ALDH1L2: variants seen among roughly 807,000 people sequenced by gnomAD.
ALDH1L2 encodes the protein aldehyde dehydrogenase 1 family member L2, also known as mitochondrial 10-formyltetrahydrofolate dehydrogenase.
Under a neutral mutation model 111.0 loss-of-function variants are expected in ALDH1L2, and 91 were observed. The observed-to-expected ratio is 0.82, with a 90% confidence interval of 0.69 to 0.98. The LOEUF is 0.98. ALDH1L2 is among the 50% of genes least tolerant of loss of function. The pLI, the probability that ALDH1L2 is intolerant of heterozygous loss-of-function variation, is 0.00. For missense variants in ALDH1L2, 995 were observed against 1,126.8 expected (o/e 0.88, Z 1.67); for synonymous variants, 374 against 392.6 (o/e 0.95, Z 0.56).
chr12:105,077,944 A>G (rs1878148219), intron 1 of ALDH1L2, among the ~76,000 whole-genome samples: 1 of 151,966 alleles, frequency 6.6e-6, no homozygotes, highest in African/African-American at 2.4e-5. Flanking sequence ...AACAAAGTAC[A>G]TTTTCCTGAG....
chr12:105,036,891 G>A (rs964285559), intron 18 of ALDH1L2, among the ~76,000 whole-genome samples: 2 of 152,022 alleles, frequency 1.3e-5, no homozygotes, highest in African/African-American at 2.4e-5. Context: ...AGTACCCCCA[G>A]CCATTGTCTG....
intron 4 of ALDH1L2, among the ~76,000 whole-genome samples, chr12:105,067,844 T>C (rs1023022523): frequency 1.3e-5 from 2 of 152,226 alleles, no homozygotes; most frequent in African/African-American, 4.8e-5. Context: ...AAATGCTATG[T>C]TGATTGTAAT....
Position 105,038,200 on chromosome 12 carries a change from C to T in ALDH1L2, c.2048G>A (p.Cys683Tyr). The T allele has an allele frequency of 6.2e-7, 1 of 1,610,156 alleles. No individual in the cohort carries two copies. ...AACTTTCTTCAAGTTGCTAACAGCA[C>T]AGCTAGAGGAAAACAAATGAGAAAT... Reference protein sequence around the residue: ...TPIGKQIMKSCAVSNLKKVSL... With the variant: ...TPIGKQIMKSYAVSNLKKVSL... The change falls in exon 18 of 23, where the codon TGT becomes TAT. Residue 683 changes from cysteine to tyrosine, a missense_variant and splice_region_variant. By Grantham distance (194) the Cys-to-Tyr change is radical (BLOSUM62 -2). Coordinates refer to ENST00000258494, the MANE Select transcript of ALDH1L2 (RefSeq NM_001034173.4).
At chr12:105,070,854 C>A in intron 2 of ALDH1L2, 50 bp from the exon 3 acceptor site, 1 of 1,421,554 alleles carries the variant, frequency 7.0e-7, no homozygotes, top group Non-Finnish European at 9.8e-7. Flanking sequence ...CATAATTTTA[C>A]ATCACTATGA....
chr12:105,038,276 ACAAACACACAC>A, intron 17 of ALDH1L2, 74 bp from the exon 18 acceptor site: 1 of 275,642 alleles, frequency 3.6e-6, no homozygotes, highest in Admixed American at 5.1e-5. Flanking sequence ...ACACACACAC[ACAAACACACAC>A]ACACACACAC....
rs1296054823 is a variant in ALDH1L2, at chr12:105,022,469, A to C, written c.*1955T>G. On this transcript the variant is annotated 3_prime_UTR_variant, in exon 23 of 23. Coordinates refer to ENST00000258494, the MANE Select transcript of ALDH1L2 (RefSeq NM_001034173.4). ...TTAGAGGGTAAAGTAAAATCAGTCT[A>C]GAAGGACAGGCATGTTTTTGTCTGC... 2.6e-5 allele frequency: 4 copies of C among 152,248 alleles called. No individual in the cohort carries two copies. The highest frequency in any genetic ancestry group is 5.9e-5 in the Non-Finnish European group (4 of 68,036). 9.4% of individuals were successfully genotyped at this position (152,248 alleles called of 1,614,324 possible). A position where few individuals can be genotyped will look rare whatever the true frequency, so the allele number is the denominator to read the frequency against.
At chr12:105,051,815 T>C (rs1876287353) in intron 12 of ALDH1L2, among the ~76,000 whole-genome samples, 1 of 151,638 alleles carries the variant, frequency 6.6e-6, no homozygotes, top group African/African-American at 2.4e-5. Context: ...GACAGAGTCT[T>C]GCTTTCTAGC....
At position 105,066,636 on chromosome 12, in the gene ALDH1L2, C is replaced by G. The variant is rs1241920231; in HGVS notation, c.628G>C (p.Ala210Pro). ...EAVQLIADGK[A>P]PRIPQPEEGA... ...TCTTCTGGCTGGGGTATACGAGGAG[C>G]TTTTCCATCAGCTATGAGTTGGACA... The change falls in exon 5 of 23, where the codon GCT becomes CCT. Residue 210 changes from alanine to proline, a missense_variant. Physicochemically the swap from Ala to Pro is conservative, Grantham distance 27. Transcript: ENST00000258494. The G allele has an allele frequency of 1.2e-6, 2 of 1,614,026 alleles. No homozygotes were observed. The highest frequency in any genetic ancestry group is 2.7e-5 in the African/African-American group (2 of 74,906).
chr12:105,043,807 T>C (rs1030077217), intron 15 of ALDH1L2, among the ~76,000 whole-genome samples: 10 of 152,234 alleles, frequency 6.6e-5, no homozygotes, highest in African/African-American at 1.9e-4. Context: ...CTAGTATGGT[T>C]CTGGGCAAGT....
intron 15 of ALDH1L2, among the ~76,000 whole-genome samples, chr12:105,045,488 TA>T (rs11325214): frequency 0.37 from 56,025 of 151,392 alleles, 10,607 homozygotes; most frequent in South Asian, 0.52. Context: ...TACATATACA[TA>T]ATGAAACTAC....
In ALDH1L2 at chr12:105,029,597, A is replaced by G. The variant is rs550567592; in HGVS notation, c.2516+727T>C. ...GAAATGGCATAGCATGCATCCTTGAATGGATATATCAAAGGTTACTCACTA... is the reference window on the plus strand; with the variant it reads ...GAAATGGCATAGCATGCATCCTTGAGTGGATATATCAAAGGTTACTCACTA... On this transcript the variant is annotated intron_variant, in intron 21 of 22. Transcript: ENST00000258494. Among the ~76,000 whole-genome samples the G allele has an allele frequency of 8.3e-4, 126 of 152,310 alleles. 1 individual carries two copies. Among genetic ancestry groups the G allele is most frequent in the South Asian group, 4.6e-3 (22 of 4,820 alleles).
At chr12:105,039,851 C>G in intron 16 of ALDH1L2, 45 bp from the exon 17 acceptor site, 1 of 1,577,000 alleles carries the variant, frequency 6.3e-7, no homozygotes, top group Non-Finnish European at 8.7e-7. Context: ...ATACTCAAGG[C>G]CGGGCGCGGT....
At chr12:105,029,023 A>ATT (rs1874563025) in intron 21 of ALDH1L2, among the ~76,000 whole-genome samples, 1 of 117,550 alleles carries the variant, frequency 8.5e-6, no homozygotes, top group Non-Finnish European at 1.8e-5. Flanking sequence ...CATCTGCTTA[A>ATT]ATTTTTTTTT....
chr12:105,038,279 A>ACACAC (rs1875297735), intron 17 of ALDH1L2, 77 bp from the exon 18 acceptor site: 19 of 246,840 alleles, frequency 7.7e-5, no homozygotes, highest in African/African-American at 2.7e-4. Flanking sequence ...CACACACACA[A>ACACAC]ACACACACAC....
chr12:105,067,416 A>G (rs1233775285), intron 4 of ALDH1L2, among the ~76,000 whole-genome samples: 1 of 152,108 alleles, frequency 6.6e-6, no homozygotes, highest in African/African-American at 2.4e-5. Flanking sequence ...AAATGATAGG[A>G]ATATAATGAT....
In ALDH1L2 at chr12:105,030,438, A is replaced by G; in HGVS notation, c.2411-9T>C. On this transcript the variant is annotated splice_polypyrimidine_tract_variant and intron_variant, in intron 20 of 22. Transcript: ENST00000258494. Reference sequence around the variant, plus strand: ...CGGCTCCATGAAAAAGCCTTTTTGGAAAAAACAAAGAAAAAATGTCAACTG... The same window carrying G: ...CGGCTCCATGAAAAAGCCTTTTTGGGAAAAACAAAGAAAAAATGTCAACTG... 1 of 1,602,212 alleles carries G rather than the reference A, an allele frequency of 6.2e-7. No individual in the cohort carries two copies.
intron 19 of ALDH1L2, 53 bp downstream of exon 19, chr12:105,034,247 C>T: frequency 1.9e-6 from 3 of 1,554,952 alleles, no homozygotes; most frequent in Non-Finnish European, 2.6e-6. Context: ...TAGGATTTTT[C>T]AAGTAAAAGC....
rs1311065760 is a variant in ALDH1L2 at position 105,038,260 on chromosome 12, TCACACACACACACACACAAA to T, written c.2046-78_2046-59del. ...GTTAACATCTCTCTCTCTCTCTCTC[TCACACACACACACACACAAA>T]CACACACACACACACACACACACAC... On this transcript the variant is annotated intron_variant, in intron 17 of 22. Coordinates refer to ENST00000258494, the MANE Select transcript of ALDH1L2 (RefSeq NM_001034173.4). 7.7e-5 allele frequency: 45 copies of T among 584,134 alleles called. 1 individual carries two copies. Among genetic ancestry groups the T allele is most frequent in the South Asian group, 5.6e-4 (30 of 53,874 alleles). 36.2% of individuals were successfully genotyped at this position (584,134 alleles called of 1,614,324 possible).
chr12:105,051,834 G>T (rs1428042641), intron 12 of ALDH1L2, among the ~76,000 whole-genome samples: 1 of 149,726 alleles, frequency 6.7e-6, no homozygotes, highest in African/African-American at 2.5e-5. Flanking sequence ...GCACAGGCTG[G>T]AGTGCAGTGG....
Sources: gnomAD v4.1 joint callset for allele counts (sites outside exome capture counted in the v4.1 genomes callset) on GRCh38, gnomAD v4.1.1 for gene constraint, MANE v1.5 for transcripts, NCBI Gene and HGNC (gene_info 2026-07-23, HGNC 2026-07-21) for gene names.